Variants in CATSPERT observed in about 807,000 individuals in gnomAD.
CATSPERT encodes the protein cation channel sperm-associated targeting subunit tau.
the CATSPERT span, chr2:201,572,074 T>C: frequency 6.2e-6 from 8 of 1,296,620 alleles, no homozygotes; most frequent in Non-Finnish European, 6.7e-6. Flanking sequence ...TAAAACTCAC[T>C]AATTGTAATA....
At chr2:201,547,620 GAAAT>G in the CATSPERT span, 1 of 1,412,082 alleles carries the variant, frequency 7.1e-7, no homozygotes, top group Non-Finnish European at 9.6e-7. Flanking sequence ...CCTAAAGAAA[GAAAT>G]AAGTTATGAA....
chr2:201,498,273 C>A, the CATSPERT span, among the ~76,000 whole-genome samples: 7 of 152,186 alleles, frequency 4.6e-5, no homozygotes, highest in African/African-American at 1.7e-4. Flanking sequence ...GCCAACAGTG[C>A]AACCCTCAGT....
At chr2:201,522,397 G>A in the CATSPERT span, among the ~76,000 whole-genome samples, 1 of 152,070 alleles carries the variant, frequency 6.6e-6, no homozygotes, top group African/African-American at 2.4e-5. Context: ...CCCTCACCAA[G>A]ATAAGATCAT....
At chr2:201,495,019 T>C in the CATSPERT span, among the ~76,000 whole-genome samples, 1 of 152,194 alleles carries the variant, frequency 6.6e-6, no homozygotes, top group Non-Finnish European at 1.5e-5. Flanking sequence ...TTTTAAATAC[T>C]TAAAAAGCCA....
the CATSPERT span, chr2:201,601,704 G>A: frequency 3.8e-6 from 6 of 1,565,554 alleles, no homozygotes; most frequent in Non-Finnish European, 5.2e-6. Flanking sequence ...ACTATAAGGA[G>A]CCATTCTAAT....
the CATSPERT span, among the ~76,000 whole-genome samples, chr2:201,571,020 A>G: frequency 6.6e-6 from 1 of 152,064 alleles, no homozygotes; most frequent in Non-Finnish European, 1.5e-5. Flanking sequence ...TGGCATCATC[A>G]TAGTAATTAT....
the CATSPERT span, among the ~76,000 whole-genome samples, chr2:201,545,284 G>A: frequency 5.9e-5 from 9 of 151,926 alleles, no homozygotes; most frequent in Admixed American, 3.3e-4. Context: ...TGATCCACCC[G>A]CCTCGGCCTC....
At chr2:201,594,035 T>C in the CATSPERT span, among the ~76,000 whole-genome samples, 2 of 152,258 alleles carry the variant, frequency 1.3e-5, no homozygotes, top group East Asian at 3.9e-4. Context: ...TGTTAGCTGG[T>C]TATTTTGCTC....
At chr2:201,582,083 T>C in the CATSPERT span, 8 of 1,595,542 alleles carry the variant, frequency 5.0e-6, no homozygotes, top group East Asian at 1.6e-4. Context: ...AAAAAAATCA[T>C]TTTATACATA....
chr2:201,546,739 G>C, the CATSPERT span, among the ~76,000 whole-genome samples: 1 of 152,040 alleles, frequency 6.6e-6, no homozygotes, highest in South Asian at 2.1e-4. Flanking sequence ...AATCGAAACA[G>C]GAAACTATGA....
At chr2:201,531,922 A>T in the CATSPERT span, among the ~76,000 whole-genome samples, 1 of 152,250 alleles carries the variant, frequency 6.6e-6, no homozygotes, top group Non-Finnish European at 1.5e-5. Context: ...GAGGAGTGAC[A>T]TGATTTAGAT....
chr2:201,587,846 C>G, the CATSPERT span, among the ~76,000 whole-genome samples: 1 of 152,028 alleles, frequency 6.6e-6, no homozygotes, highest in Non-Finnish European at 1.5e-5. Context: ...TACAAACAAC[C>G]ATTAGAGAAT....
At chr2:201,599,745 A>G in the CATSPERT span, among the ~76,000 whole-genome samples, 1 of 152,202 alleles carries the variant, frequency 6.6e-6, no homozygotes, top group Non-Finnish European at 1.5e-5. Flanking sequence ...TTAAATAAAT[A>G]CAGGAAACAG....
the CATSPERT span, among the ~76,000 whole-genome samples, chr2:201,543,253 T>C: frequency 2.0e-5 from 3 of 152,196 alleles, no homozygotes; most frequent in Non-Finnish European, 4.4e-5. Flanking sequence ...TTAATTGCTA[T>C]AGTTTTGTAA....
the CATSPERT span, among the ~76,000 whole-genome samples, chr2:201,498,127 T>C: frequency 1.3e-5 from 2 of 152,156 alleles, no homozygotes; most frequent in African/African-American, 2.4e-5. Flanking sequence ...TATATGTATA[T>C]ATAAAAGGGA....
At chr2:201,498,873 C>T in the CATSPERT span, among the ~76,000 whole-genome samples, 2 of 151,330 alleles carry the variant, frequency 1.3e-5, no homozygotes, top group Admixed American at 6.6e-5. Flanking sequence ...TATTCCTAAG[C>T]AGAGATATAA....
chr2:201,499,407 GT>G, the CATSPERT span, among the ~76,000 whole-genome samples: 1 of 152,148 alleles, frequency 6.6e-6, no homozygotes, highest in Non-Finnish European at 1.5e-5. Flanking sequence ...TAGCTTTTCT[GT>G]TTTTCCTCTT....
At chr2:201,549,016 C>G in the CATSPERT span, among the ~76,000 whole-genome samples, 1 of 151,968 alleles carries the variant, frequency 6.6e-6, no homozygotes, top group African/African-American at 2.4e-5. Flanking sequence ...CACACACACA[C>G]CCCCCAGCCA....
At chr2:201,562,530 T>TTTA in the CATSPERT span, among the ~76,000 whole-genome samples, 2 of 150,386 alleles carry the variant, frequency 1.3e-5, no homozygotes, top group African/African-American at 4.9e-5. Context: ...TTATTTATTT[T>TTTA]TTTTATTGAT....
Sources: gnomAD v4.1 joint callset for allele counts (sites outside exome capture counted in the v4.1 genomes callset) on GRCh38, gnomAD v4.1.1 for gene constraint, MANE v1.5 for transcripts, NCBI Gene and HGNC (gene_info 2026-07-23, HGNC 2026-07-21) for gene names.